SLC14A2: variants seen among roughly 807,000 people sequenced by gnomAD.
SLC14A2 encodes solute carrier family 14 member 2, also known as urea transporter 2.
Under a neutral mutation model 104.6 loss-of-function variants are expected in SLC14A2, and 91 were observed. The observed-to-expected ratio is 0.87, with a 90% CI of 0.73 to 1.04. The LOEUF (loss-of-function observed/expected upper bound fraction) is 1.04. Among genes scored for constraint, SLC14A2 ranks in the 50% least tolerant of loss-of-function variants. The probability of loss-of-function intolerance (pLI) is 0.00; values close to 1 mark genes in which losing one functional copy is unlikely to be tolerated. For missense variants in SLC14A2, 1,189 were observed against 1,156.0 expected (o/e 1.03, Z -0.41); for synonymous variants, 476 against 466.4 (o/e 1.02, Z -0.27).
intron 1 of SLC14A2, among the ~76,000 whole-genome samples, chr18:45,276,598 A>T (rs1420585531): frequency 6.6e-6 from 1 of 152,234 alleles, no homozygotes; most frequent in African/African-American, 2.4e-5. Context: ...TAATTTTTTT[A>T]AGTTATATTG....
chr18:45,189,553 G>T, the SLC14A2 span, among the ~76,000 whole-genome samples: 13,459 of 152,260 alleles, frequency 0.088, 635 homozygotes, highest in East Asian at 0.13. Context: ...GAATGATTGA[G>T]ACGCTGGGTC....
the SLC14A2 span, among the ~76,000 whole-genome samples, chr18:45,181,887 C>T: frequency 6.6e-6 from 1 of 151,982 alleles, no homozygotes; most frequent in African/African-American, 2.4e-5. Context: ...ATGTATTAAA[C>T]AAGAGTTTAT....
At chr18:45,308,772 T>G (rs947562701) in intron 1 of SLC14A2, among the ~76,000 whole-genome samples, 11 of 152,238 alleles carry the variant, frequency 7.2e-5, no homozygotes, top group Non-Finnish European at 1.5e-4. Flanking sequence ...ATTTATTATT[T>G]GATTCAGGAT....
At chr18:45,327,338 T>G (rs1465422332) in intron 1 of SLC14A2, among the ~76,000 whole-genome samples, 1 of 152,076 alleles carries the variant, frequency 6.6e-6, no homozygotes, top group Non-Finnish European at 1.5e-5. Context: ...TTGGTAAAAT[T>G]TACATATAAA....
intron 1 of SLC14A2, among the ~76,000 whole-genome samples, chr18:45,428,140 C>T (rs1002743289): frequency 2.6e-5 from 4 of 152,178 alleles, no homozygotes; most frequent in African/African-American, 9.6e-5. Flanking sequence ...TGTAAATCAC[C>T]TAGCTACTGC....
intron 10 of SLC14A2, among the ~76,000 whole-genome samples, chr18:45,648,280 A>C (rs2045660387): frequency 7.2e-6 from 1 of 139,774 alleles, no homozygotes; most frequent in East Asian, 2.2e-4. Flanking sequence ...ATCTGGGCTC[A>C]CTGCAAGCTC....
intron 1 of SLC14A2, among the ~76,000 whole-genome samples, chr18:45,448,965 G>T (rs1410125833): frequency 2.0e-5 from 3 of 152,156 alleles, no homozygotes; most frequent in Non-Finnish European, 4.4e-5. Context: ...CAGGATCACT[G>T]ACCGGAATCT....
intron 1 of SLC14A2, among the ~76,000 whole-genome samples, chr18:45,465,552 C>T (rs1019616012): frequency 3.3e-5 from 5 of 152,104 alleles, no homozygotes; most frequent in Non-Finnish European, 7.4e-5. Context: ...GACCTGGGCC[C>T]GAAGCCTCCC....
chr18:45,500,533 C>T (rs1043895233), intron 2 of SLC14A2, among the ~76,000 whole-genome samples: 18 of 145,794 alleles, frequency 1.2e-4, no homozygotes, highest in Non-Finnish European at 2.5e-4. Context: ...GCCGAGATCG[C>T]GCCACTGCAC....
chr18:45,522,040 A>G (rs1454054304), intron 2 of SLC14A2, among the ~76,000 whole-genome samples: 1 of 152,166 alleles, frequency 6.6e-6, no homozygotes, highest in Non-Finnish European at 1.5e-5. Flanking sequence ...TCCTGCCTGG[A>G]CTATTTGCCC....
At chr18:45,589,801 T>C (rs149074321) in intron 2 of SLC14A2, among the ~76,000 whole-genome samples, 1 of 152,260 alleles carries the variant, frequency 6.6e-6, no homozygotes, top group East Asian at 1.9e-4. Flanking sequence ...TTTGGTTAAC[T>C]TGCTGAAGAA....
chr18:45,539,991 G>A (rs190982758), intron 2 of SLC14A2, among the ~76,000 whole-genome samples: 1 of 152,220 alleles, frequency 6.6e-6, no homozygotes, highest in Admixed American at 6.5e-5. Context: ...ACGGGGTGCT[G>A]AGCAATAGGC....
chr18:45,503,985 A>T (rs1358412649), intron 2 of SLC14A2, among the ~76,000 whole-genome samples: 2 of 152,194 alleles, frequency 1.3e-5, no homozygotes, highest in African/African-American at 4.8e-5. Flanking sequence ...TCTAATGGTC[A>T]TAAGTCCTTA....
At chr18:45,229,586 A>G (rs972813099) in intron 1 of SLC14A2, among the ~76,000 whole-genome samples, 1 of 152,130 alleles carries the variant, frequency 6.6e-6, no homozygotes, top group Non-Finnish European at 1.5e-5. Flanking sequence ...TAGCACAGCC[A>G]TACCTACACG....
intron 1 of SLC14A2, among the ~76,000 whole-genome samples, chr18:45,385,335 G>A (rs2085883896): frequency 6.6e-6 from 1 of 152,228 alleles, no homozygotes; most frequent in Admixed American, 6.5e-5. Context: ...GAGTTGGGCT[G>A]CTGCAAGCTC....
chr18:45,455,969 G>GT (rs2086936800), intron 1 of SLC14A2, among the ~76,000 whole-genome samples: 1 of 152,184 alleles, frequency 6.6e-6, no homozygotes, highest in African/African-American at 2.4e-5. Flanking sequence ...AAGGAAAGAG[G>GT]AAGTCTTGTG....
chr18:45,244,482 C>G (rs554624110), intron 1 of SLC14A2, among the ~76,000 whole-genome samples: 1 of 152,200 alleles, frequency 6.6e-6, no homozygotes, highest in Non-Finnish European at 1.5e-5. Flanking sequence ...CAAAAATTAG[C>G]CGGGCGTGGT....
chr18:45,180,117 C>G, the SLC14A2 span: 2 of 152,288 alleles, frequency 1.3e-5, no homozygotes, highest in Admixed American at 1.3e-4. Context: ...CCAATGCACT[C>G]CAGCCTTTTC....
At chr18:45,168,619 A>G in the SLC14A2 span, 1 of 152,180 alleles carries the variant, frequency 6.6e-6, no homozygotes. Context: ...ATGAGCCTTT[A>G]TATCTTGGCA....
Sources: allele counts gnomAD v4.1 joint callset (sites outside exome capture counted in the v4.1 genomes callset), GRCh38; gene constraint gnomAD v4.1.1; transcripts MANE v1.5; gene names NCBI Gene and HGNC (gene_info 2026-07-23, HGNC 2026-07-21).